Variants in MTG1 observed in about 807,000 individuals in gnomAD.
The protein encoded by MTG1 is mitochondrial ribosome-associated GTPase 1.
A neutral mutation model predicts 39.5 loss-of-function variants in MTG1; 30 were observed. The observed-to-expected ratio is 0.76, with a 90% confidence interval of 0.57 to 1.03. The LOEUF (loss-of-function observed/expected upper bound fraction) is 1.03, where lower values mean the gene tolerates loss of function less well. Ranked by LOEUF, MTG1 falls within the 50% of genes least tolerant of loss-of-function variation. The pLI is 0.00. For missense variants in MTG1, 513 were observed against 447.4 expected (o/e 1.15, Z -1.32); for synonymous variants, 217 against 179.0 (o/e 1.21, Z -1.69).
chr10:133,421,921 C>A lies in MTG1; in HGVS notation c.*1756C>A, dbSNP rs1363164754. ...GCCACGGCGGGGGGCAGGGAGAACCCCTCCTACCCTGGATGAGTGGGTGAC... is the reference window on the plus strand; with the variant it reads ...GCCACGGCGGGGGGCAGGGAGAACCACTCCTACCCTGGATGAGTGGGTGAC... On this transcript the variant is annotated 3_prime_UTR_variant, in exon 11 of 11. Transcript: ENST00000317502. The A allele has an allele frequency of 8.0e-6, 1 of 124,742 alleles. No homozygotes were observed. The highest frequency in any genetic ancestry group is 1.7e-5 in the Non-Finnish European group (1 of 58,198). The allele number at this position is 124,742 out of a possible 1,614,324, so 7.7% of individuals were successfully genotyped here. A position where few individuals can be genotyped will look rare whatever the true frequency, so the allele number is the denominator to read the frequency against.
Position 133,407,433 on chromosome 10 carries a change from A to G in MTG1, c.752+4660A>G, listed in dbSNP as rs941192545. On this transcript the variant is annotated intron_variant, in intron 9 of 10. Transcript: ENST00000317502. ...ACTGATAAGCATGGAATATCTTTCCATTTTTTATGTGTCCTCTTCAATTTC... is the reference window on the plus strand; with the variant it reads ...ACTGATAAGCATGGAATATCTTTCCGTTTTTTATGTGTCCTCTTCAATTTC... Among the ~76,000 whole-genome samples, 2 of 152,236 alleles carry G rather than the reference A, an allele frequency of 1.3e-5. 1 individual carries two copies. The highest frequency in any genetic ancestry group is 4.1e-4 in the South Asian group (2 of 4,824).
rs1362815804 is a variant in MTG1, at chr10:133,402,068, G to A, written c.574-81G>A. ...CCTTCCTCGGAGCATTGGGTGCCAG[G>A]GGCTGCCCAGGCTTCCTGAGTGGCC... On this transcript the variant is annotated intron_variant, in intron 7 of 10. Transcript: ENST00000317502. The surrounding 1 kb of genome is among the most constrained non-coding windows in gnomAD (Gnocchi z 4.7). The A allele has an allele frequency of 6.4e-6, 10 of 1,563,906 alleles. No individual in the cohort carries two copies. In the East Asian group the frequency reaches 1.8e-4, roughly 28 times the overall value.
Position 133,395,775 on chromosome 10 carries a change from C to G in MTG1, c.175C>G (p.Arg59Gly). The G allele has an allele frequency of 6.2e-7, 1 of 1,613,938 alleles. No homozygotes were observed. The highest frequency in any genetic ancestry group is 8.5e-7 in the Non-Finnish European group (1 of 1,179,896). ...CTGTATCATCGAGGTCCACGATGCC[C>G]GGATATCCTTTCACAGAGCAGGGGA... is the stretch of plus-strand genomic sequence containing the variant. Reference protein sequence around the residue: ...VDCIIEVHDARIPLSGRNPLF... With the variant: ...VDCIIEVHDAGIPLSGRNPLF... Residue 59 changes from arginine (R) to glycine (G), a missense_variant and splice_region_variant, in exon 2 of 11, where the codon CGG becomes GGG. Arg to Gly is a moderately radical substitution (Grantham distance 125). Coordinates refer to ENST00000317502, the MANE Select transcript of MTG1 (RefSeq NM_138384.4).
Position 133,402,037 on chromosome 10 carries a change from C to T in MTG1, c.574-112C>T. On this transcript the variant is annotated intron_variant, in intron 7 of 10. Coordinates refer to ENST00000317502, the MANE Select transcript of MTG1 (RefSeq NM_138384.4). This position sits in a 1 kb window ranked among gnomAD's most constrained non-coding sequence, Gnocchi z 4.7. ...GTGACGCTGCCATGGGGTTGGGTCCCTGAGGCCTTCCTCGGAGCATTGGGT... is the reference window on the plus strand; with the variant it reads ...GTGACGCTGCCATGGGGTTGGGTCCTTGAGGCCTTCCTCGGAGCATTGGGT... The T allele has an allele frequency of 7.6e-7, 1 of 1,316,910 alleles. No individual in the cohort carries two copies. The highest frequency in any genetic ancestry group is 1.2e-5 in the South Asian group (1 of 82,542). The allele number at this position is 1,316,910 out of a possible 1,614,324, so 81.6% of individuals were successfully genotyped here. A position where few individuals can be genotyped will look rare whatever the true frequency, so the allele number is the denominator to read the frequency against.
Position 133,399,689 on chromosome 10 carries a change from A to G in MTG1, c.511+70A>G, listed in dbSNP as rs941475469. The G allele has an allele frequency of 1.2e-4, 185 of 1,510,192 alleles. 1 individual carries two copies. The highest frequency in any genetic ancestry group is 2.7e-4 in the East Asian group (12 of 44,168). 93.5% of individuals were successfully genotyped at this position (1,510,192 alleles called of 1,614,324 possible). A position where few individuals can be genotyped will look rare whatever the true frequency, so the allele number is the denominator to read the frequency against. ...GTGTGGCTGATGTGCTGATGCCACC[A>G]TCTTTCTTGGAGGGGACGTGCCCGA... On this transcript the variant is annotated intron_variant, in intron 6 of 10. Transcript: ENST00000317502.
chr10:133,412,748 TG>T, intron 9 of MTG1, among the ~76,000 whole-genome samples: 1 of 152,232 alleles, frequency 6.6e-6, no homozygotes, highest in Non-Finnish European at 1.5e-5. Flanking sequence ...TTAATTTTAT[TG>T]ATTTTTCCCA....
chr10:133,416,527 A>G (rs1448839883), intron 9 of MTG1, among the ~76,000 whole-genome samples: 3 of 144,662 alleles, frequency 2.1e-5, no homozygotes, highest in Admixed American at 6.8e-5. Context: ...AGCATTAGGT[A>G]TATCTCCTAA....
chr10:133,419,814 A>C (rs767680613), intron 10 of MTG1, among the ~76,000 whole-genome samples: 5 of 152,202 alleles, frequency 3.3e-5, no homozygotes, highest in Admixed American at 2.0e-4. Context: ...CGTATTGGGC[A>C]GTGCTAGGTG....
rs370271966 is a variant in MTG1 at position 133,394,415 on chromosome 10, C to T, written c.112+83C>T. 8.1e-4 allele frequency: 1,098 copies of T among 1,350,302 alleles called. 7 individuals are homozygous for T. In the African/African-American group the frequency reaches 0.013, roughly 16 times the overall value. The allele number at this position is 1,350,302 out of a possible 1,614,324, so 83.6% of individuals were successfully genotyped here. A position where few individuals can be genotyped will look rare whatever the true frequency, so the allele number is the denominator to read the frequency against. On this transcript the variant is annotated intron_variant, in intron 1 of 10. Transcript: ENST00000317502. ...CTCCCACCCCGGTTTCGGCCGTCGC[C>T]TGCTTCTCCCGGTCGTTCTGGGCTG...
intron 4 of MTG1, among the ~76,000 whole-genome samples, 178 bp downstream of exon 4, chr10:133,398,693 G>C (rs907718870): frequency 6.6e-6 from 1 of 152,210 alleles, no homozygotes; most frequent in African/African-American, 2.4e-5. Flanking sequence ...TGTACTGAGG[G>C]CACAAGGTCA....
In MTG1 at chr10:133,407,599, G is replaced by A. The variant is rs192262968; in HGVS notation, c.752+4826G>A. Among the ~76,000 whole-genome samples, 1,037 of 147,826 alleles carry A rather than the reference G, an allele frequency of 7.0e-3. 11 individuals are homozygous for A. The highest frequency in any genetic ancestry group is 0.024 in the African/African-American group (965 of 39,924). ...TTTTTTTTTTTTGAGATGGAGTTTC[G>A]GTCTTGTTGCCCAGTCTGGAGTGCA... On this transcript the variant is annotated intron_variant, in intron 9 of 10. Transcript: ENST00000317502.
In MTG1 at chr10:133,396,199, AC is replaced by A. The variant is rs756683925; in HGVS notation, c.217del (p.Lys76SerfsTer25). 6.2e-7 allele frequency: 1 copy of A among 1,614,168 alleles called. No individual in the cohort carries two copies. The highest frequency in any genetic ancestry group is 8.5e-7 in the Non-Finnish European group (1 of 1,180,016). ...LSGRNPLFQE[T>X]LGLKPHLLVL... ...AGGCCGCAACCCTCTGTTTCAGGAA[AC>A]CCTTGGGCTTAAGCCTCACTTGCTG... On this transcript the variant is annotated frameshift_variant, in exon 3 of 11. Transcript: ENST00000317502. LOFTEE classifies it high-confidence loss of function.
intron 1 of MTG1, 176 bp downstream of exon 1, chr10:133,394,508 C>T (rs1199779624): frequency 1.5e-6 from 2 of 1,344,116 alleles, no homozygotes; most frequent in Middle Eastern, 2.7e-4. Flanking sequence ...CGCCGGGACC[C>T]CTTCCCCTGC....
intron 9 of MTG1, among the ~76,000 whole-genome samples, chr10:133,403,667 C>T (rs1849921424): frequency 1.3e-5 from 2 of 152,224 alleles, no homozygotes; most frequent in South Asian, 4.1e-4. Context: ...TCTGTCCCTT[C>T]ACCCGTTGAT....
At chr10:133,395,587 C>T in intron 1 of MTG1, 126 bp from the exon 2 acceptor site, 2 of 865,692 alleles carry the variant, frequency 2.3e-6, no homozygotes, top group Non-Finnish European at 3.7e-6. Context: ...TTACTTAGTA[C>T]GCTTCCCTCA....
At chr10:133,416,203 C>G (rs1431713405) in intron 9 of MTG1, among the ~76,000 whole-genome samples, 4 of 151,970 alleles carry the variant, frequency 2.6e-5, no homozygotes, top group Non-Finnish European at 5.9e-5. Flanking sequence ...TCATAGTTTT[C>G]ACTTCCGCAA....
At position 133,402,530 on chromosome 10, in the gene MTG1, C is replaced by T. The variant is rs1394103598; in HGVS notation, c.671-162C>T. 4 of 738,428 alleles carry T rather than the reference C, an allele frequency of 5.4e-6. No homozygotes were observed. The highest frequency in any genetic ancestry group is 8.9e-6 in the Non-Finnish European group (4 of 449,520). 45.7% of individuals were successfully genotyped at this position (738,428 alleles called of 1,614,324 possible). A position where few individuals can be genotyped will look rare whatever the true frequency, so the allele number is the denominator to read the frequency against. On this transcript the variant is annotated intron_variant, in intron 8 of 10. Coordinates refer to ENST00000317502, the MANE Select transcript of MTG1 (RefSeq NM_138384.4). This position sits in a 1 kb window ranked among gnomAD's most constrained non-coding sequence, Gnocchi z 4.7. Reference sequence around the variant, plus strand: ...TGCCAGGCAGGAGTGGGGGCCGGGACCACAGCCGAGTGCCGTCCTCTTGGT... The same window carrying T: ...TGCCAGGCAGGAGTGGGGGCCGGGATCACAGCCGAGTGCCGTCCTCTTGGT...
At position 133,402,427 on chromosome 10, in the gene MTG1, G is replaced by A. The variant is rs528615485; in HGVS notation, c.670+182G>A. ...AATAGTGCACAGCTGACAGGCACTG[G>A]TCACCATTCCACCCTGCCCCATGAG... On this transcript the variant is annotated intron_variant, in intron 8 of 10. Transcript: ENST00000317502. The surrounding 1 kb of genome is among the most constrained non-coding windows in gnomAD (Gnocchi z 4.7). 9.5e-6 allele frequency: 7 copies of A among 738,024 alleles called. No homozygotes were observed. The highest frequency in any genetic ancestry group is 8.1e-5 in the East Asian group (3 of 37,182). The allele number at this position is 738,024 out of a possible 1,614,324, so 45.7% of individuals were successfully genotyped here.
rs536272891 is a variant in MTG1 at position 133,413,499 on chromosome 10, G to A, written c.753-5981G>A. Among the ~76,000 whole-genome samples, 38 of 152,096 alleles carry A rather than the reference G, an allele frequency of 2.5e-4. No homozygotes were observed. In the South Asian group the frequency reaches 7.7e-3, roughly 31 times the overall value. On this transcript the variant is annotated intron_variant, in intron 9 of 10. Transcript: ENST00000317502. ...GAACTCCTGACCTCAAGTGATCCAC[G>A]TGCCTCCCAAAGTGCTGGGATTTCA...
Sources: gnomAD v4.1 joint callset for allele counts (sites outside exome capture counted in the v4.1 genomes callset) on GRCh38, gnomAD v4.1.1 for gene constraint, Gnocchi (gnomAD v3.1) non-coding constraint, MANE v1.5 for transcripts, NCBI Gene and HGNC (gene_info 2026-07-23, HGNC 2026-07-21) for gene names.